Variants in CTNNA2 observed in about 807,000 individuals in gnomAD.
The protein encoded by CTNNA2 is catenin alpha 2.
Under a neutral mutation model 101.0 loss-of-function variants are expected in CTNNA2, and 42 were observed. That is an observed-to-expected ratio of 0.42 (90% CI 0.32 to 0.54). The LOEUF is 0.54. Ranked by LOEUF, CTNNA2 falls within the 20% of genes least tolerant of loss-of-function variation. The probability of loss-of-function intolerance (pLI) is 0.14; values close to 1 mark genes in which losing one functional copy is unlikely to be tolerated. For synonymous variants in CTNNA2, 450 were observed against 456.4 expected (o/e 0.99, Z 0.18); for missense variants, 871 against 1,223.1 (o/e 0.71, Z 4.29).
chr2:79,967,492 C>G (rs1392440137), intron 7 of CTNNA2, among the ~76,000 whole-genome samples: 1 of 152,150 alleles, frequency 6.6e-6, no homozygotes. Flanking sequence ...CTCATGATGA[C>G]CAATTCTCCA....
At chr2:79,548,055 T>A (rs1308100772) in intron 1 of CTNNA2, 1 of 152,238 alleles carries the variant, frequency 6.6e-6, no homozygotes, top group Non-Finnish European at 1.5e-5. Context: ...AGAAACTTAT[T>A]GCTATCATTG....
At chr2:80,368,343 G>T (rs1675125261) in intron 7 of CTNNA2, among the ~76,000 whole-genome samples, 1 of 152,144 alleles carries the variant, frequency 6.6e-6, no homozygotes, top group Admixed American at 6.6e-5. Flanking sequence ...TAGCTAGTTA[G>T]ATTTTAAATT....
chr2:79,542,001 A>C (rs773082862), intron 1 of CTNNA2, among the ~76,000 whole-genome samples: 1 of 152,104 alleles, frequency 6.6e-6, no homozygotes, highest in Non-Finnish European at 1.5e-5. Context: ...GAAAACTAAT[A>C]ATGCTTTCAA....
At chr2:79,530,181 C>T (rs1391643365) in intron 1 of CTNNA2, among the ~76,000 whole-genome samples, 1 of 152,098 alleles carries the variant, frequency 6.6e-6, no homozygotes, top group Non-Finnish European at 1.5e-5. Context: ...TTTTACTACA[C>T]GAATCAATTA....
At chr2:79,257,538 T>C (rs979249857) in intron 2 of CTNNA2, among the ~76,000 whole-genome samples, 3 of 145,000 alleles carry the variant, frequency 2.1e-5, no homozygotes, top group African/African-American at 7.6e-5. Context: ...GGTACTTAAA[T>C]AAAATATTGA....
At chr2:79,391,951 C>T (rs1361903148) in intron 4 of CTNNA2, among the ~76,000 whole-genome samples, 3 of 152,118 alleles carry the variant, frequency 2.0e-5, no homozygotes, top group African/African-American at 2.4e-5. Context: ...CATAATCATT[C>T]CTCTGTGCGC....
intron 2 of CTNNA2, among the ~76,000 whole-genome samples, chr2:79,211,352 G>A (rs970571668): frequency 9.2e-5 from 14 of 152,148 alleles, no homozygotes; most frequent in African/African-American, 2.7e-4. Context: ...CTTTTCATGC[G>A]CGTCCGTGAG....
At chr2:79,235,398 C>A (rs562883346) in intron 2 of CTNNA2, among the ~76,000 whole-genome samples, 1 of 152,128 alleles carries the variant, frequency 6.6e-6, no homozygotes, top group Admixed American at 6.6e-5. Context: ...TGTTTTAATG[C>A]AGTTGGTAGT....
intron 7 of CTNNA2, among the ~76,000 whole-genome samples, chr2:80,043,052 TTTC>T (rs1558754684): frequency 0.012 from 370 of 31,302 alleles, 12 homozygotes; most frequent in Non-Finnish European, 0.019. Context: ...TCTTTCTTTC[TTTC>T]TTTCTTTCTT....
chr2:80,546,149 CTG>C (rs1386627050), intron 11 of CTNNA2, 86 bp downstream of exon 11: 2 of 1,514,654 alleles, frequency 1.3e-6, no homozygotes, highest in Non-Finnish European at 1.8e-6. Flanking sequence ...TGTCATGGAT[CTG>C]TGTTTCAGGC....
chr2:79,874,400 A>T (rs1682843163), intron 6 of CTNNA2, 58 bp downstream of exon 6: 1 of 1,556,754 alleles, frequency 6.4e-7, no homozygotes, highest in South Asian at 1.2e-5. Flanking sequence ...AAAAAAAAAA[A>T]ATGTATTGAG....
chr2:80,175,046 C>T (rs1434639448), intron 7 of CTNNA2, among the ~76,000 whole-genome samples: 1 of 152,198 alleles, frequency 6.6e-6, no homozygotes, highest in Non-Finnish European at 1.5e-5. Flanking sequence ...TTTCAAAGTC[C>T]TGCATGGTCT....
intron 3 of CTNNA2, among the ~76,000 whole-genome samples, chr2:79,815,401 C>T (rs1574040927): frequency 1.3e-5 from 2 of 152,234 alleles, no homozygotes; most frequent in East Asian, 3.9e-4. Flanking sequence ...TTTATAGTTT[C>T]ACGACTTAGA....
In CTNNA2 at chr2:80,248,100, T is replaced by C. The variant is rs1671471650; in HGVS notation, c.1057-145111T>C. Among the ~76,000 whole-genome samples the C allele has an allele frequency of 2.0e-5, 3 of 152,028 alleles. No individual in the cohort carries two copies. In the South Asian group the frequency reaches 6.2e-4, roughly 32 times the overall value. On this transcript the variant is annotated intron_variant, in intron 7 of 18. Coordinates refer to ENST00000402739, the MANE Select transcript of CTNNA2 (RefSeq NM_001282597.3). ...CGAAACTGTGGCTATGCTTGTGCCC[T>C]ATCTCTTTGAGGTTTGGACTAACTA...
intron 4 of CTNNA2, among the ~76,000 whole-genome samples, chr2:79,503,828 G>A (rs1029642520): frequency 1.1e-4 from 16 of 151,992 alleles, no homozygotes; most frequent in African/African-American, 2.7e-4. Flanking sequence ...TCCACTACCC[G>A]GCCATTTTGG....
intron 3 of CTNNA2, among the ~76,000 whole-genome samples, chr2:79,775,870 T>C (rs533064173): frequency 2.6e-4 from 40 of 152,312 alleles, no homozygotes; most frequent in African/African-American, 9.4e-4. Context: ...AAATTTACTA[T>C]TGAAATCTCA....
intron 4 of CTNNA2, among the ~76,000 whole-genome samples, chr2:79,399,360 G>T (rs1468594885): frequency 6.6e-6 from 1 of 152,064 alleles, no homozygotes. Flanking sequence ...TAGACACTAA[G>T]CTCTCATTGC....
At chr2:80,566,262 G>A (rs1694053530) in intron 12 of CTNNA2, among the ~76,000 whole-genome samples, 1 of 152,170 alleles carries the variant, frequency 6.6e-6, no homozygotes, top group Non-Finnish European at 1.5e-5. Flanking sequence ...ACAGAAGCCA[G>A]CATCATTTTT....
intron 4 of CTNNA2, among the ~76,000 whole-genome samples, chr2:79,400,767 T>A (rs1218749907): frequency 6.6e-6 from 1 of 151,930 alleles, no homozygotes; most frequent in Non-Finnish European, 1.5e-5. Flanking sequence ...TACCAAATTT[T>A]ATGACAAACA....
Sources: gnomAD v4.1 joint callset for allele counts (sites outside exome capture counted in the v4.1 genomes callset) on GRCh38, gnomAD v4.1.1 for gene constraint, MANE v1.5 for transcripts, NCBI Gene and HGNC (gene_info 2026-07-23, HGNC 2026-07-21) for gene names.